Variants in GRM5 observed in about 807,000 individuals in gnomAD.
GRM5 encodes glutamate metabotropic receptor 5.
In GRM5, 19 loss-of-function variants were observed where a neutral mutation model predicts 83.1. The ratio of observed to expected loss-of-function variants is 0.23; its 90% confidence interval spans 0.16 to 0.34. The LOEUF (loss-of-function observed/expected upper bound fraction) is 0.34. GRM5 is among the 10% of genes least tolerant of loss of function. The pLI is 1.00. For missense variants in GRM5, 1,160 were observed against 1,588.3 expected (o/e 0.73, Z 4.58); for synonymous variants, 675 against 633.6 (o/e 1.07, Z -0.98).
intron 1 of GRM5, among the ~76,000 whole-genome samples, chr11:89,063,288 C>A (rs1942033857): frequency 6.6e-6 from 1 of 152,164 alleles, no homozygotes; most frequent in Non-Finnish European, 1.5e-5. Flanking sequence ...TTGCTCGCGC[C>A]TTTTTCCCCA....
At chr11:88,863,584 G>A (rs983448314) in intron 2 of GRM5, among the ~76,000 whole-genome samples, 11 of 151,768 alleles carry the variant, frequency 7.2e-5, no homozygotes, top group Non-Finnish European at 1.3e-4. Flanking sequence ...ACACAGGGAG[G>A]GGAACAACAC....
intron 3 of GRM5, among the ~76,000 whole-genome samples, chr11:88,839,774 T>G (rs558512512): frequency 6.6e-6 from 1 of 152,318 alleles, no homozygotes; most frequent in African/African-American, 2.4e-5. Flanking sequence ...CTCCTAAATC[T>G]TAACTACTAA....
At chr11:88,933,480 T>C (rs968318070) in intron 2 of GRM5, among the ~76,000 whole-genome samples, 3 of 151,842 alleles carry the variant, frequency 2.0e-5, no homozygotes, top group African/African-American at 4.8e-5. Context: ...TTCTATCTTA[T>C]CTCTCAAAAT....
intron 2 of GRM5, among the ~76,000 whole-genome samples, chr11:88,877,687 G>T (rs1483734524): frequency 6.6e-6 from 1 of 151,784 alleles, no homozygotes; most frequent in Non-Finnish European, 1.5e-5. Context: ...GCTGGGCATG[G>T]TGGCACATGC....
At chr11:88,624,104 T>C (rs1938719035) in intron 4 of GRM5, among the ~76,000 whole-genome samples, 1 of 152,200 alleles carries the variant, frequency 6.6e-6, no homozygotes, top group African/African-American at 2.4e-5. Flanking sequence ...TGGGCTTGTA[T>C]GAAGGCCTAT....
chr11:88,991,184 T>C (rs1362966851), intron 2 of GRM5, among the ~76,000 whole-genome samples: 2 of 152,114 alleles, frequency 1.3e-5, no homozygotes, highest in African/African-American at 4.8e-5. Context: ...ACAAAATCAA[T>C]GTACAAAAAT....
chr11:88,698,320 G>T (rs545469279), intron 3 of GRM5, among the ~76,000 whole-genome samples: 1 of 152,188 alleles, frequency 6.6e-6, no homozygotes, highest in African/African-American at 2.4e-5. Flanking sequence ...TATTCTTTAT[G>T]TGTGTCATGT....
At chr11:88,787,841 A>C (rs1201139169) in intron 3 of GRM5, among the ~76,000 whole-genome samples, 1 of 152,038 alleles carries the variant, frequency 6.6e-6, no homozygotes, top group Non-Finnish European at 1.5e-5. Flanking sequence ...AAAGGGATAA[A>C]AAAGGGATAG....
rs182751310 is a variant in GRM5 at position 88,593,962 on chromosome 11, T to C, written c.1563+3222A>G. ...GCGCCTGCCAACTTGCCTGGCTAAT[T>C]TTTTTGTATTTTTAGTAGAGACGGG... On this transcript the variant is annotated intron_variant, in intron 6 of 9. Coordinates refer to ENST00000305447, the MANE Select transcript of GRM5 (RefSeq NM_001143831.3). Among the ~76,000 whole-genome samples the C allele has an allele frequency of 9.9e-3, 1,509 of 151,876 alleles. 20 individuals are homozygous for C. Among genetic ancestry groups the C allele is most frequent in the East Asian group, 0.075 (375 of 4,998 alleles).
At chr11:88,887,675 G>A (rs1051842573) in intron 2 of GRM5, among the ~76,000 whole-genome samples, 1 of 152,118 alleles carries the variant, frequency 6.6e-6, no homozygotes, top group Non-Finnish European at 1.5e-5. Flanking sequence ...TCTGTCACAC[G>A]AAAAGGAAGG....
chr11:88,805,252 C>T (rs1355239406), intron 3 of GRM5, among the ~76,000 whole-genome samples: 3 of 152,066 alleles, frequency 2.0e-5, no homozygotes, highest in Non-Finnish European at 2.9e-5. Context: ...AGTGCAGTGG[C>T]GTAATCTCGG....
rs573514240 is a variant in GRM5 at position 88,668,314 on chromosome 11, C to T, written c.912-14911G>A. Among the ~76,000 whole-genome samples, 501 of 150,674 alleles carry T rather than the reference C, an allele frequency of 3.3e-3. 13 individuals are homozygous for T. The highest frequency in any genetic ancestry group is 0.03 in the Admixed American group (456 of 15,080). ...AGAAACTCGCACACACACACACACA[C>T]ACACACACACACACACACACACACA... is the stretch of plus-strand genomic sequence containing the variant. On this transcript the variant is annotated intron_variant, in intron 3 of 9. Coordinates refer to ENST00000305447, the MANE Select transcript of GRM5 (RefSeq NM_001143831.3).
intron 3 of GRM5, among the ~76,000 whole-genome samples, chr11:88,818,291 T>C (rs1326183029): frequency 6.6e-6 from 1 of 152,100 alleles, no homozygotes; most frequent in African/African-American, 2.4e-5. Flanking sequence ...CAATATGTTG[T>C]ATCATGATTA....
At chr11:88,929,421 A>T (rs1032478182) in intron 2 of GRM5, among the ~76,000 whole-genome samples, 2 of 152,096 alleles carry the variant, frequency 1.3e-5, no homozygotes, top group African/African-American at 4.8e-5. Flanking sequence ...AATATGTTTA[A>T]TTGGGAAATT....
At chr11:88,906,404 AT>A (rs1339438550) in intron 2 of GRM5, among the ~76,000 whole-genome samples, 1 of 152,092 alleles carries the variant, frequency 6.6e-6, no homozygotes, top group Non-Finnish European at 1.5e-5. Context: ...TTTTCATGAG[AT>A]TATCTCACCA....
chr11:88,873,279 C>T (rs921322987), intron 2 of GRM5, among the ~76,000 whole-genome samples: 4 of 151,540 alleles, frequency 2.6e-5, no homozygotes, highest in African/African-American at 9.7e-5. Context: ...TTCAACACCC[C>T]ACTTTTAGCA....
intron 8 of GRM5, among the ~76,000 whole-genome samples, chr11:88,554,524 A>G (rs1942581765): frequency 6.6e-6 from 1 of 152,166 alleles, no homozygotes; most frequent in Non-Finnish European, 1.5e-5. Flanking sequence ...GCTATTGAAG[A>G]TGTAATAAGA....
chr11:88,637,813 C>A (rs1487870225), intron 4 of GRM5, among the ~76,000 whole-genome samples: 47 of 147,518 alleles, frequency 3.2e-4, no homozygotes, highest in Non-Finnish European at 5.7e-4. Flanking sequence ...GGGTATATAC[C>A]CAAAGGACTA....
chr11:88,531,637 TAAAAA>T (rs1942010319), intron 8 of GRM5, among the ~76,000 whole-genome samples: 1 of 152,042 alleles, frequency 6.6e-6, no homozygotes, highest in Non-Finnish European at 1.5e-5. Context: ...CATATTTGGT[TAAAAA>T]TGAGTGGAGA....
Sources: allele counts gnomAD v4.1 joint callset (sites outside exome capture counted in the v4.1 genomes callset), GRCh38; gene constraint gnomAD v4.1.1; transcripts MANE v1.5; gene names NCBI Gene and HGNC (gene_info 2026-07-23, HGNC 2026-07-21).